Variants in CNTNAP2 observed in about 807,000 individuals in gnomAD.
CNTNAP2 encodes the protein contactin associated protein 2.
In CNTNAP2, 98 loss-of-function variants were observed where a neutral mutation model predicts 155.2. The observed-to-expected ratio is 0.63, with a 90% confidence interval of 0.54 to 0.75. The LOEUF (loss-of-function observed/expected upper bound fraction) is 0.75. Among genes scored for constraint, CNTNAP2 ranks in the 30% least tolerant of loss-of-function variants. CNTNAP2 has a pLI of 0.00. For missense variants in CNTNAP2, 1,727 were observed against 1,688.1 expected, an observed-to-expected ratio of 1.02 and a Z score of -0.40; for synonymous variants, 651 against 631.2, an observed-to-expected ratio of 1.03 and a Z score of -0.47.
intron 21 of CNTNAP2, among the ~76,000 whole-genome samples, chr7:148,267,833 C>T (rs2116841738): frequency 6.6e-6 from 1 of 152,224 alleles, no homozygotes; most frequent in Admixed American, 6.5e-5. Flanking sequence ...TATTACAGAC[C>T]TCTACCTACT....
chr7:147,458,965 G>A (rs934480301), intron 10 of CNTNAP2, among the ~76,000 whole-genome samples: 2 of 72,366 alleles, frequency 2.8e-5, no homozygotes, highest in Admixed American at 3.1e-4. Flanking sequence ...ATTCAGCCAA[G>A]GAAATTGATT....
At chr7:148,155,575 C>T (rs1183472541) in intron 17 of CNTNAP2, among the ~76,000 whole-genome samples, 1 of 152,082 alleles carries the variant, frequency 6.6e-6, no homozygotes, top group African/African-American at 2.4e-5. Context: ...GGAGGGGAGA[C>T]AGGGTGCTAT....
intron 13 of CNTNAP2, among the ~76,000 whole-genome samples, chr7:147,807,228 TGGGAGGATC>T (rs1798104940): frequency 2.7e-5 from 4 of 145,536 alleles, no homozygotes; most frequent in African/African-American, 1.0e-4. Context: ...GAGGCTGAGC[TGGGAGGATC>T]ACCTGAACCC....
At chr7:147,257,632 C>G (rs141833751) in intron 8 of CNTNAP2, among the ~76,000 whole-genome samples, 1 of 152,312 alleles carries the variant, frequency 6.6e-6, no homozygotes, top group African/African-American at 2.4e-5. Context: ...TGGTATTTCT[C>G]CAATTCAAGT....
intron 1 of CNTNAP2, among the ~76,000 whole-genome samples, chr7:146,623,260 C>T (rs1178006129): frequency 1.3e-5 from 2 of 152,122 alleles, no homozygotes; most frequent in Non-Finnish European, 2.9e-5. Flanking sequence ...TGCCTTCTGA[C>T]ATGTGATCCT....
chr7:147,515,413 C>T (rs1298511460), intron 11 of CNTNAP2, among the ~76,000 whole-genome samples: 2 of 149,216 alleles, frequency 1.3e-5, no homozygotes, highest in Non-Finnish European at 3.0e-5. Flanking sequence ...ACCTCCACCT[C>T]CTGGGTTCAA....
chr7:147,435,723 C>G (rs936612237), intron 10 of CNTNAP2, among the ~76,000 whole-genome samples: 14 of 152,134 alleles, frequency 9.2e-5, no homozygotes, highest in African/African-American at 3.4e-4. Context: ...TTATCAAATC[C>G]AAGCTCTGCC....
intron 13 of CNTNAP2, among the ~76,000 whole-genome samples, chr7:147,644,933 A>G (rs1198285855): frequency 1.3e-5 from 2 of 151,522 alleles, no homozygotes; most frequent in Non-Finnish European, 2.9e-5. Context: ...TATCTTCCCT[A>G]TTTTTCTGGC....
intron 21 of CNTNAP2, among the ~76,000 whole-genome samples, chr7:148,367,796 G>A (rs916991522): frequency 6.6e-6 from 1 of 152,088 alleles, no homozygotes; most frequent in Non-Finnish European, 1.5e-5. Context: ...ATGTCACCAA[G>A]AGAAAATGAC....
chr7:147,492,307 G>T (rs1320355999), intron 11 of CNTNAP2, among the ~76,000 whole-genome samples: 1 of 152,186 alleles, frequency 6.6e-6, no homozygotes, highest in Non-Finnish European at 1.5e-5. Context: ...CGGAGCTCAG[G>T]CGGGAATGCC....
intron 1 of CNTNAP2, among the ~76,000 whole-genome samples, chr7:146,398,189 T>C (rs916595429): frequency 4.2e-4 from 61 of 146,782 alleles, no homozygotes; most frequent in Non-Finnish European, 7.3e-4. Context: ...CCAAACTTTT[T>C]TTTTTTTTTT....
chr7:146,303,072 ATG>A (rs60828609), intron 1 of CNTNAP2, among the ~76,000 whole-genome samples: 8,173 of 135,888 alleles, frequency 0.06, 228 homozygotes, highest in African/African-American at 0.086. Flanking sequence ...CTTTGTGTGC[ATG>A]TGTGTGTGTG....
intron 15 of CNTNAP2, among the ~76,000 whole-genome samples, chr7:148,009,171 C>A (rs765356518): frequency 6.6e-6 from 1 of 152,166 alleles, no homozygotes; most frequent in Non-Finnish European, 1.5e-5. Context: ...GATAGCTTAA[C>A]CTAGCCTACC....
intron 9 of CNTNAP2, among the ~76,000 whole-genome samples, chr7:147,326,346 T>TA (rs1795458538): frequency 6.6e-6 from 1 of 152,370 alleles, no homozygotes; most frequent in East Asian, 1.9e-4. Context: ...TTAGGATCCA[T>TA]ATATGTTGCA....
rs77476868 is a variant in CNTNAP2, at chr7:147,392,835, A to G, written c.1499-2774A>G. ...AGTGGATAAACTATGGTATATATACAATGGAATACTACTCAGCCATAAAAA... is the reference window on the plus strand; with the variant it reads ...AGTGGATAAACTATGGTATATATACGATGGAATACTACTCAGCCATAAAAA... On this transcript the variant is annotated intron_variant, in intron 9 of 23. Coordinates refer to ENST00000361727, the MANE Select transcript of CNTNAP2 (RefSeq NM_014141.6). Among the ~76,000 whole-genome samples, 1,350 of 152,240 alleles carry G rather than the reference A, an allele frequency of 8.9e-3. 22 individuals carry two copies. The highest frequency in any genetic ancestry group is 0.031 in the African/African-American group (1,294 of 41,552).
chr7:147,425,737 A>T (rs1220691592), intron 10 of CNTNAP2, among the ~76,000 whole-genome samples: 1 of 152,156 alleles, frequency 6.6e-6, no homozygotes. Flanking sequence ...AATATCGAAG[A>T]GATGAATTTT....
intron 16 of CNTNAP2, among the ~76,000 whole-genome samples, chr7:148,141,333 T>C (rs1215471673): frequency 6.6e-6 from 1 of 152,256 alleles, no homozygotes; most frequent in Non-Finnish European, 1.5e-5. Flanking sequence ...AAATAACGTT[T>C]AGCTACATTT....
At chr7:147,523,078 G>A (rs1799258647) in intron 11 of CNTNAP2, among the ~76,000 whole-genome samples, 1 of 152,186 alleles carries the variant, frequency 6.6e-6, no homozygotes, top group African/African-American at 2.4e-5. Flanking sequence ...TGTGGCCTGG[G>A]TCTCTCACAG....
At chr7:147,521,450 C>T (rs998895580) in intron 11 of CNTNAP2, among the ~76,000 whole-genome samples, 8 of 152,326 alleles carry the variant, frequency 5.3e-5, no homozygotes, top group African/African-American at 1.9e-4. Flanking sequence ...TACCTACAGT[C>T]TAGGCATACT....
Sources: allele counts gnomAD v4.1 joint callset (sites outside exome capture counted in the v4.1 genomes callset), GRCh38; gene constraint gnomAD v4.1.1; transcripts MANE v1.5; gene names NCBI Gene and HGNC (gene_info 2026-07-23, HGNC 2026-07-21).